ERC1: variants seen among roughly 807,000 people sequenced by gnomAD.
The protein encoded by ERC1 is RAB6 interacting protein 2.
In ERC1, 56 loss-of-function variants were observed where a neutral mutation model predicts 132.0. That is an observed-to-expected ratio of 0.42 (90% CI 0.34 to 0.53). The LOEUF is 0.53. Ranked by LOEUF, ERC1 falls within the 20% of genes least tolerant of loss-of-function variation. The pLI, the probability that ERC1 is intolerant of heterozygous loss-of-function variation, is 0.03. For synonymous variants in ERC1, 478 were observed against 476.1 expected (o/e 1.00, Z -0.05); for missense variants, 1,202 against 1,349.9 (o/e 0.89, Z 1.72).
At chr12:1,418,515 A>T (rs2154398213) in intron 17 of ERC1, among the ~76,000 whole-genome samples, 1 of 151,902 alleles carries the variant, frequency 6.6e-6, no homozygotes, top group Admixed American at 6.5e-5. Context: ...TTTCTCCATG[A>T]CTGTCTCCTC....
chr12:1,042,239 G>A (rs1401416779), intron 2 of ERC1, among the ~76,000 whole-genome samples: 1 of 151,394 alleles, frequency 6.6e-6, no homozygotes, highest in Non-Finnish European at 1.5e-5. Flanking sequence ...GGGTTTCACC[G>A]TGTTAGCTAG....
chr12:1,094,768 A>G (rs897529533), intron 3 of ERC1, among the ~76,000 whole-genome samples: 2 of 152,046 alleles, frequency 1.3e-5, no homozygotes, highest in South Asian at 2.1e-4. Context: ...ACAAGGTGAC[A>G]TTTTCTGAGC....
chr12:1,188,865 C>T (rs929861876), intron 11 of ERC1, among the ~76,000 whole-genome samples: 3 of 152,048 alleles, frequency 2.0e-5, no homozygotes, highest in African/African-American at 4.8e-5. Flanking sequence ...AAAAATAAAA[C>T]GTCTAAGCTT....
chr12:1,200,492 G>A (rs1956801964), intron 12 of ERC1, among the ~76,000 whole-genome samples: 1 of 151,526 alleles, frequency 6.6e-6, no homozygotes, highest in Non-Finnish European at 1.5e-5. Context: ...AGAGACCAAT[G>A]TATATATGTT....
At chr12:1,435,648 C>T (rs1304511946) in intron 17 of ERC1, among the ~76,000 whole-genome samples, 2 of 152,204 alleles carry the variant, frequency 1.3e-5, no homozygotes, top group Non-Finnish European at 2.9e-5. Flanking sequence ...GAAATATTGG[C>T]TGAGGGCCAT....
chr12:1,080,718 T>C (rs557401306), intron 2 of ERC1, among the ~76,000 whole-genome samples: 1 of 152,250 alleles, frequency 6.6e-6, no homozygotes, highest in Admixed American at 6.5e-5. Context: ...ATGTAAGAAG[T>C]GCCTTTTGCC....
At chr12:1,367,878 C>G (rs1034746787) in intron 15 of ERC1, among the ~76,000 whole-genome samples, 1 of 149,218 alleles carries the variant, frequency 6.7e-6, no homozygotes, top group Non-Finnish European at 1.5e-5. Flanking sequence ...ACTCATTATG[C>G]TAATAATGTG....
At chr12:1,365,259 T>C (rs1209232774) in intron 15 of ERC1, among the ~76,000 whole-genome samples, 1 of 152,216 alleles carries the variant, frequency 6.6e-6, no homozygotes. Flanking sequence ...TCATGGTTTC[T>C]TTCTAGTTGT....
chr12:1,424,836 TAGATAGATGATAGATAGATA>T (rs1459197915), intron 17 of ERC1, among the ~76,000 whole-genome samples: 1 of 115,130 alleles, frequency 8.7e-6, no homozygotes, highest in East Asian at 2.6e-4. Flanking sequence ...GATAGATAGA[TAGATAGATGATAGATAGATA>T]GATAGATCGA....
At chr12:1,479,885 G>A (rs149109963) in intron 18 of ERC1, among the ~76,000 whole-genome samples, 310 of 152,222 alleles carry the variant, frequency 2.0e-3, no homozygotes, top group African/African-American at 7.1e-3. Context: ...GTCGTGAGCC[G>A]TGCCCTTTGC....
intron 12 of ERC1, among the ~76,000 whole-genome samples, chr12:1,219,217 A>G (rs1232489110): frequency 6.6e-6 from 1 of 152,140 alleles, no homozygotes; most frequent in Non-Finnish European, 1.5e-5. Flanking sequence ...AAAACACAGC[A>G]ATAGCTACCA....
chr12:1,457,787 G>A (rs1229768855), intron 18 of ERC1, among the ~76,000 whole-genome samples: 1 of 152,106 alleles, frequency 6.6e-6, no homozygotes, highest in Non-Finnish European at 1.5e-5. Flanking sequence ...TAGCTACTTG[G>A]GTGGCTGAAG....
In ERC1 at chr12:1,028,467, C is replaced by T. The variant is rs1410885731; in HGVS notation, c.564C>T (p.Thr188=). ...GTTCTTCAATGAATAGCATCAAGAC[C>T]TTCTGGAGCCCAGAGCTGAAGAAGG... ...KLSSSMNSIK[T]FWSPELKKER... Residue 188 remains threonine (T), a synonymous_variant, in exon 2 of 19, where the codon ACC becomes ACT. Transcript: ENST00000360905. 2 of 1,613,966 alleles carry T rather than the reference C, an allele frequency of 1.2e-6. No homozygotes were observed. Among genetic ancestry groups the T allele is most frequent in the Non-Finnish European group, 1.7e-6 (2 of 1,180,020 alleles).
chr12:1,017,185 C>T (rs1470850852), intron 1 of ERC1, among the ~76,000 whole-genome samples: 2 of 151,412 alleles, frequency 1.3e-5, no homozygotes, highest in Admixed American at 6.6e-5. Context: ...TTAGTAGAGA[C>T]GGGGTTTCAC....
intron 15 of ERC1, among the ~76,000 whole-genome samples, chr12:1,312,607 G>T (rs2081387610): frequency 1.3e-5 from 2 of 152,174 alleles, no homozygotes; most frequent in South Asian, 4.1e-4. Context: ...GATCTGCCCA[G>T]TTTGCCCTCC....
intron 12 of ERC1, among the ~76,000 whole-genome samples, chr12:1,231,483 TTGAC>T (rs554230069): frequency 6.6e-4 from 100 of 152,336 alleles, no homozygotes; most frequent in Middle Eastern, 3.4e-3. Flanking sequence ...TATTCTGAAT[TTGAC>T]TGTATATTTA....
At chr12:1,155,280 C>A (rs531000970) in intron 8 of ERC1, among the ~76,000 whole-genome samples, 1 of 131,146 alleles carries the variant, frequency 7.6e-6, no homozygotes, top group Non-Finnish European at 1.5e-5. Context: ...GAGCCTGGAT[C>A]GTGCCACTGC....
chr12:1,350,767 T>G (rs901710535), intron 15 of ERC1, among the ~76,000 whole-genome samples: 2 of 152,206 alleles, frequency 1.3e-5, no homozygotes, highest in African/African-American at 4.8e-5. Context: ...CAAGGTTTAT[T>G]TAGCTCATGG....
intron 16 of ERC1, among the ~76,000 whole-genome samples, chr12:1,388,511 C>T (rs562134021): frequency 4.6e-5 from 7 of 152,224 alleles, no homozygotes; most frequent in African/African-American, 1.4e-4. Flanking sequence ...TGGGCAGTGA[C>T]GTGAGACTCC....
Sources: allele counts gnomAD v4.1 joint callset (sites outside exome capture counted in the v4.1 genomes callset), GRCh38; gene constraint gnomAD v4.1.1; transcripts MANE v1.5; gene names NCBI Gene and HGNC (gene_info 2026-07-23, HGNC 2026-07-21).